The following MFN1 variants were observed in gnomAD, a reference collection of about 807,000 sequenced individuals.
MFN1 encodes mitofusin 1.
Under a neutral mutation model 92.4 loss-of-function variants are expected in MFN1, and 65 were observed. That is an observed-to-expected ratio of 0.70 (90% CI 0.58 to 0.86). The LOEUF is 0.86. Among genes scored for constraint, MFN1 ranks in the 40% least tolerant of loss-of-function variants. The pLI is 0.00. For synonymous variants in MFN1, 297 were observed against 300.9 expected, an observed-to-expected ratio of 0.99 and a Z score of 0.13; for missense variants, 781 against 868.0, an observed-to-expected ratio of 0.90 and a Z score of 1.26.
Position 179,377,302 on chromosome 3 carries a change from T to C in MFN1, c.1225-42T>C, listed in dbSNP as rs761969786. On this transcript the variant is annotated intron_variant, in intron 11 of 17. Coordinates refer to ENST00000471841, the MANE Select transcript of MFN1 (RefSeq NM_033540.3). ...TTTAATTTTTTTGAATAATTGATAA[T>C]CTTGTTTAATTATTTTAACTCCAAA... is the stretch of plus-strand genomic sequence containing the variant. 3.3e-6 allele frequency: 5 copies of C among 1,534,748 alleles called. No individual in the cohort carries two copies. The East Asian group carries it at 9.1e-5, about 28-fold the overall frequency.
chr3:179,350,366 A>G (rs1340368671), intron 2 of MFN1, among the ~76,000 whole-genome samples: 1 of 152,086 alleles, frequency 6.6e-6, no homozygotes, highest in Non-Finnish European at 1.5e-5. Flanking sequence ...ACACAATTCA[A>G]TGCTGAATGA....
chr3:179,359,127 C>CTTT, intron 4 of MFN1, 125 bp downstream of exon 4: 1 of 975,926 alleles, frequency 1.0e-6, no homozygotes, highest in Non-Finnish European at 1.3e-6. Flanking sequence ...TAATATTTTT[C>CTTT]TTTTTTTTTT....
At position 179,377,376 on chromosome 3, in the gene MFN1, ACTGT is replaced by A. The variant is rs777101663; in HGVS notation, c.1262_1265del (p.Ser421PhefsTer17). 12 of 1,609,570 alleles carry A rather than the reference ACTGT, an allele frequency of 7.5e-6. No homozygotes were observed. The highest frequency in any genetic ancestry group is 1.0e-5 in the Non-Finnish European group (12 of 1,178,462). ...GTGCAATGACAGATGAAATTTGTCG[ACTGT>A]CTGTTTTGGTTGATGAATTTTGTTC... On this transcript the variant is annotated frameshift_variant, in exon 12 of 18. Coordinates refer to ENST00000471841, the MANE Select transcript of MFN1 (RefSeq NM_033540.3). LOFTEE classifies it high-confidence loss of function.
chr3:179,367,991 T>C (rs115622374), intron 8 of MFN1, 45 bp from the exon 9 acceptor site: 40,970 of 1,307,672 alleles, frequency 0.031, 831 homozygotes, highest in Middle Eastern at 0.13. Flanking sequence ...AGAAAACATA[T>C]CTTGCTACAT....
chr3:179,379,162 T>A (rs1240066558), intron 14 of MFN1, among the ~76,000 whole-genome samples: 3 of 152,126 alleles, frequency 2.0e-5, no homozygotes, highest in African/African-American at 7.2e-5. Flanking sequence ...TTTCCACGTA[T>A]GCCCAAATTC....
At chr3:179,384,478 ACCT>A (rs201024921) in intron 14 of MFN1, among the ~76,000 whole-genome samples, 3,898 of 152,140 alleles carry the variant, frequency 0.026, 185 homozygotes, top group African/African-American at 0.089. Context: ...CAAAGCTTTT[ACCT>A]ATTTTTAAAT....
At position 179,394,663 on chromosome 3, in the gene MFN1, C is replaced by T. The variant is rs970369299; in HGVS notation, c.*2604C>T. The stretch of plus-strand genomic sequence containing the variant: ...ATCTCCTGACCTCGTGATCCACCCG[C>T]CTCGGCCTCCCAAAGTGCTGGGATT... On this transcript the variant is annotated 3_prime_UTR_variant, in exon 18 of 18. Coordinates refer to ENST00000471841, the MANE Select transcript of MFN1 (RefSeq NM_033540.3). The T allele has an allele frequency of 6.6e-6, 1 of 152,080 alleles. No individual in the cohort carries two copies. Among genetic ancestry groups the T allele is most frequent in the Non-Finnish European group, 1.5e-5 (1 of 68,016 alleles). 9.4% of individuals were successfully genotyped at this position (152,080 alleles called of 1,614,324 possible). A position where few individuals can be genotyped will look rare whatever the true frequency, so the allele number is the denominator to read the frequency against.
chr3:179,351,842 A>C, intron 2 of MFN1, 58 bp from the exon 3 acceptor site: 3 of 1,503,474 alleles, frequency 2.0e-6, no homozygotes, highest in Non-Finnish European at 2.7e-6. Flanking sequence ...GTATTCCATT[A>C]TATAACTAAC....
chr3:179,372,328 A>T (rs1254518501), intron 9 of MFN1, among the ~76,000 whole-genome samples: 1 of 151,274 alleles, frequency 6.6e-6, no homozygotes, highest in Non-Finnish European at 1.5e-5. Context: ...AGGGAAATTG[A>T]CAAGTTTGTT....
chr3:179,362,811 T>G (rs1412842398), intron 5 of MFN1, among the ~76,000 whole-genome samples: 1 of 152,162 alleles, frequency 6.6e-6, no homozygotes, highest in Non-Finnish European at 1.5e-5. Context: ...GTAGCTGGGA[T>G]TACAGACACA....
At chr3:179,386,656 T>TA (rs758602807) in intron 16 of MFN1, 27 bp downstream of exon 16, 105 of 1,563,134 alleles carry the variant, frequency 6.7e-5, no homozygotes, top group South Asian at 3.7e-4. Flanking sequence ...ATCTTTCCTT[T>TA]AAAAAAAAGT....
intron 3 of MFN1, among the ~76,000 whole-genome samples, chr3:179,358,146 T>TTTTG (rs1712416139): frequency 2.1e-5 from 2 of 96,482 alleles, no homozygotes; most frequent in African/African-American, 9.2e-5. Flanking sequence ...GTGTCACTCA[T>TTTTG]TTTGTTTTTT....
Position 179,390,036 on chromosome 3 carries a change from A to G in MFN1, c.2045A>G (p.Gln682Arg), listed in dbSNP as rs752069349. 7 of 1,605,580 alleles carry G rather than the reference A, an allele frequency of 4.4e-6. No homozygotes were observed. The highest frequency in any genetic ancestry group is 5.9e-6 in the Non-Finnish European group (7 of 1,177,676). The change falls in exon 17 of 18, where the codon CAA becomes CGA. Residue 682 changes from glutamine to arginine, a missense_variant. Physicochemically the swap from Gln to Arg is conservative, Grantham distance 43 (BLOSUM62 1). Coordinates refer to ENST00000471841, the MANE Select transcript of MFN1 (RefSeq NM_033540.3). ...GCTACCACTTTTGCTCGCCTGTGCCAACAAGTTGATATTACTCAAAAACAG... is the reference window on the plus strand; with the variant it reads ...GCTACCACTTTTGCTCGCCTGTGCCGACAAGTTGATATTACTCAAAAACAG... ...QIATTFARLC[Q>R]QVDITQKQLE...
chr3:179,368,116 T>C lies in MFN1; in HGVS notation c.975+13T>C, dbSNP rs372443867. ...ACAAATCTTTGAGGTAGGAATTTTG[T>C]GATTGTATTGCCTAATACAAAACTC... On this transcript the variant is annotated intron_variant, in intron 9 of 17. Transcript: ENST00000471841. 507 of 1,549,428 alleles carry C rather than the reference T, an allele frequency of 3.3e-4. 2 individuals are homozygous for C. The African/African-American group carries it at 6.7e-3, about 20-fold the overall frequency.
At chr3:179,382,755 A>C (rs1713520670) in intron 14 of MFN1, among the ~76,000 whole-genome samples, 1 of 152,152 alleles carries the variant, frequency 6.6e-6, no homozygotes, top group African/African-American at 2.4e-5. Flanking sequence ...CTTTGTAATG[A>C]TTGCCATTCT....
At chr3:179,385,204 C>T (rs568339864) in intron 14 of MFN1, among the ~76,000 whole-genome samples, 11 of 140,302 alleles carry the variant, frequency 7.8e-5, no homozygotes, top group South Asian at 2.4e-4. Context: ...TGAGCCACCG[C>T]GCCCGGCCGA....
chr3:179,355,596 G>A (rs1022995843), intron 3 of MFN1, among the ~76,000 whole-genome samples: 1 of 152,164 alleles, frequency 6.6e-6, no homozygotes, highest in Non-Finnish European at 1.5e-5. Flanking sequence ...GATGATCCAG[G>A]GAGAGTGTGT....
At chr3:179,366,563 A>ATAAAATT (rs1712803315) in intron 7 of MFN1, among the ~76,000 whole-genome samples, 1 of 152,160 alleles carries the variant, frequency 6.6e-6, no homozygotes, top group African/African-American at 2.4e-5. Flanking sequence ...CTATCCCATC[A>ATAAAATT]CTGTTCACAT....
intron 3 of MFN1, among the ~76,000 whole-genome samples, chr3:179,356,796 T>A (rs1452536654): frequency 1.3e-5 from 2 of 152,160 alleles, no homozygotes; most frequent in Non-Finnish European, 2.9e-5. Context: ...GATTCTTATA[T>A]GGGGTGGAGG....
Sources: allele counts gnomAD v4.1 joint callset (sites outside exome capture counted in the v4.1 genomes callset), GRCh38; gene constraint gnomAD v4.1.1; transcripts MANE v1.5; gene names NCBI Gene and HGNC (gene_info 2026-07-23, HGNC 2026-07-21).